CREB5: variants seen among roughly 807,000 people sequenced by gnomAD.
The protein encoded by CREB5 is cyclic AMP-responsive element-binding protein 5.
Under a neutral mutation model 57.1 loss-of-function variants are expected in CREB5, and 19 were observed. The observed-to-expected ratio is 0.33, with a 90% CI of 0.23 to 0.49. The LOEUF is 0.49. Ranked by LOEUF, CREB5 falls within the 20% of genes least tolerant of loss-of-function variation. The pLI, the probability that CREB5 is intolerant of heterozygous loss-of-function variation, is 0.99. For missense variants in CREB5, 579 were observed against 671.6 expected (o/e 0.86, Z 1.52); for synonymous variants, 238 against 238.3 (o/e 1.00, Z 0.01).
Position 28,514,940 on chromosome 7 carries a change from G to T in CREB5, c.291+7203G>T, listed in dbSNP as rs538218121. Among the ~76,000 whole-genome samples the T allele has an allele frequency of 3.4e-5, 5 of 147,274 alleles. No homozygotes were observed. In the South Asian group the frequency reaches 1.1e-3, roughly 33 times the overall value. On this transcript the variant is annotated intron_variant, in intron 4 of 10. Transcript: ENST00000357727. ...CTATTTTATTTCCATCATGATGATT[G>T]CTAGGGAAGCTGGACGTTAATTTTG...
At chr7:28,388,082 A>G (rs934784512) in intron 1 of CREB5, among the ~76,000 whole-genome samples, 6 of 152,098 alleles carry the variant, frequency 3.9e-5, no homozygotes, top group African/African-American at 1.4e-4. Flanking sequence ...ATCCTGCAAG[A>G]CCTGAGTTGA....
At position 28,379,976 on chromosome 7, in the gene CREB5, A is replaced by G. The variant is rs188285538; in HGVS notation, c.-25+80535A>G. On this transcript the variant is annotated intron_variant, in intron 1 of 9. Transcript: ENST00000396299. ...ATAATCATAGCTCACTGCAGCCTCAAACTGGGCTCAGGTGATCCTCCCACC... is the reference window on the plus strand; with the variant it reads ...ATAATCATAGCTCACTGCAGCCTCAGACTGGGCTCAGGTGATCCTCCCACC... Among the ~76,000 whole-genome samples the G allele has an allele frequency of 8.7e-4, 133 of 152,228 alleles. 1 individual carries two copies. The highest frequency in any genetic ancestry group is 3.0e-3 in the African/African-American group (125 of 41,520).
intron 1 of CREB5, among the ~76,000 whole-genome samples, chr7:28,306,834 T>C (rs1323730931): frequency 6.6e-6 from 1 of 152,164 alleles, no homozygotes; most frequent in Non-Finnish European, 1.5e-5. Context: ...GTGCTGGGAT[T>C]ACAGGCGTGA....
intron 3 of CREB5, among the ~76,000 whole-genome samples, chr7:28,506,812 T>C (rs1049936325): frequency 6.6e-6 from 1 of 152,242 alleles, no homozygotes; most frequent in African/African-American, 2.4e-5. Flanking sequence ...ATCTAGATTC[T>C]CAAGAATTGT....
intron 1 of CREB5, among the ~76,000 whole-genome samples, chr7:28,423,578 G>A (rs948065510): frequency 3.3e-5 from 5 of 152,020 alleles, no homozygotes; most frequent in African/African-American, 1.2e-4. Flanking sequence ...GGTCCAGAGA[G>A]TGGGGAAGAT....
intron 5 of CREB5, among the ~76,000 whole-genome samples, chr7:28,605,342 G>T (rs1797089721): frequency 2.0e-5 from 3 of 152,074 alleles, no homozygotes; most frequent in South Asian, 4.1e-4. Context: ...TTTGTATTTT[G>T]CCTGAATCCA....
rs1406028928 is a variant in CREB5 at position 28,824,608 on chromosome 7, AAAAC to A, written c.*5333_*5336del. On this transcript the variant is annotated 3_prime_UTR_variant, in exon 11 of 11. Transcript: ENST00000357727. ...CCAAAACAAACACAAAGAAATTTAA[AAAAC>A]AAAAAACCTAGCTCATCATGTTGTG... The A allele has an allele frequency of 6.6e-6, 1 of 152,664 alleles. No homozygotes were observed. Among genetic ancestry groups the A allele is most frequent in the African/African-American group, 2.4e-5 (1 of 41,470 alleles). The allele number at this position is 152,664 out of a possible 1,614,324, so 9.5% of individuals were successfully genotyped here.
At chr7:28,471,775 CTTACATTGAGTTT>C (rs140895067) in intron 1 of CREB5, among the ~76,000 whole-genome samples, 92,897 of 151,504 alleles carry the variant, frequency 0.61, 28,928 homozygotes, top group East Asian at 0.83. Context: ...CTTGTTTTAT[CTTACATTGAGTTT>C]TTAATTTATC....
chr7:28,589,014 AT>A (rs1253235301), intron 5 of CREB5, among the ~76,000 whole-genome samples: 2 of 152,174 alleles, frequency 1.3e-5, no homozygotes, highest in Admixed American at 6.5e-5. Context: ...CAGCTTAGAA[AT>A]GTAAGACTCA....
chr7:28,560,919 T>TGCGCGCGCGC (rs1562797827), intron 4 of CREB5, among the ~76,000 whole-genome samples: 2 of 42,988 alleles, frequency 4.7e-5, no homozygotes, highest in Non-Finnish European at 9.0e-5. Flanking sequence ...CGTGTGCGTG[T>TGCGCGCGCGC]GTGCGCGTGC....
rs911834919 is a variant in CREB5, at chr7:28,762,457, T to C, written c.702+38125T>C. On this transcript the variant is annotated intron_variant, in intron 7 of 10. Transcript: ENST00000357727. ...GCTAATGTTGACAAGGACTTAAAAT[T>C]GTACGTGCAGCATTAGATGCAAATA... Among the ~76,000 whole-genome samples the C allele has an allele frequency of 2.0e-5, 3 of 152,332 alleles. No homozygotes were observed. In the East Asian group the frequency reaches 5.8e-4, roughly 29 times the overall value.
At chr7:28,320,614 A>G (rs1785480487) in intron 1 of CREB5, among the ~76,000 whole-genome samples, 1 of 152,216 alleles carries the variant, frequency 6.6e-6, no homozygotes, top group South Asian at 2.1e-4. Flanking sequence ...TAAGGTTCCA[A>G]GCCAAGTACG....
At chr7:28,328,935 T>C (rs1379884330) in intron 1 of CREB5, among the ~76,000 whole-genome samples, 1 of 152,236 alleles carries the variant, frequency 6.6e-6, no homozygotes, top group Non-Finnish European at 1.5e-5. Flanking sequence ...CATATGCAAG[T>C]ACACTTTTGG....
chr7:28,534,011 A>C (rs1353380035), intron 4 of CREB5, among the ~76,000 whole-genome samples: 3 of 152,184 alleles, frequency 2.0e-5, no homozygotes, highest in Admixed American at 2.0e-4. Context: ...TGTCATCCCA[A>C]CCCTGGAAAA....
chr7:28,721,285 G>C (rs1031822244), intron 6 of CREB5, among the ~76,000 whole-genome samples: 1 of 152,134 alleles, frequency 6.6e-6, no homozygotes, highest in Non-Finnish European at 1.5e-5. Context: ...CACAACAAAG[G>C]ATTATTTAGC....
At chr7:28,391,652 A>G (rs1432372398) in intron 1 of CREB5, among the ~76,000 whole-genome samples, 1 of 152,218 alleles carries the variant, frequency 6.6e-6, no homozygotes, top group East Asian at 1.9e-4. Flanking sequence ...AGCCACCTAT[A>G]TAATTTGCTT....
intron 6 of CREB5, among the ~76,000 whole-genome samples, chr7:28,722,275 C>T (rs1216002887): frequency 6.6e-6 from 1 of 152,162 alleles, no homozygotes; most frequent in Admixed American, 6.5e-5. Context: ...GCTTGGAAGG[C>T]TCTGGACAAT....
intron 2 of CREB5, among the ~76,000 whole-genome samples, chr7:28,492,537 G>A (rs1388759001): frequency 6.6e-6 from 1 of 151,872 alleles, no homozygotes; most frequent in Non-Finnish European, 1.5e-5. Flanking sequence ...AAATCACGAT[G>A]TCCTTTATTG....
chr7:28,790,685 GAA>G (rs561069819), intron 7 of CREB5, among the ~76,000 whole-genome samples: 17 of 152,292 alleles, frequency 1.1e-4, no homozygotes, highest in African/African-American at 4.1e-4. Flanking sequence ...CGTTTCAATC[GAA>G]ACCCAGAGTA....
Sources: gnomAD v4.1 joint callset for allele counts (sites outside exome capture counted in the v4.1 genomes callset) on GRCh38, gnomAD v4.1.1 for gene constraint, MANE v1.5 for transcripts, NCBI Gene and HGNC (gene_info 2026-07-23, HGNC 2026-07-21) for gene names.